The following ITGA1 variants were observed in gnomAD, a reference collection of about 807,000 sequenced individuals.
The protein encoded by ITGA1 is integrin alpha-1.
In ITGA1, 85 loss-of-function variants were observed where a neutral mutation model predicts 145.9. The observed-to-expected ratio is 0.58, with a 90% confidence interval of 0.49 to 0.70. The LOEUF is 0.70. Ranked by LOEUF, ITGA1 falls within the 30% of genes least tolerant of loss-of-function variation. The pLI, the probability that ITGA1 is intolerant of heterozygous loss-of-function variation, is 0.00. For synonymous variants in ITGA1, 520 were observed against 495.3 expected (o/e 1.05, Z -0.66); for missense variants, 1,351 against 1,418.7 (o/e 0.95, Z 0.77).
rs1750033393 is a variant in ITGA1 at position 52,885,570 on chromosome 5, G to C, written c.774-2245G>C. Among the ~76,000 whole-genome samples, 3 of 152,156 alleles carry C rather than the reference G, an allele frequency of 2.0e-5. No homozygotes were observed. The South Asian group carries it at 6.2e-4, about 32-fold the overall frequency. On this transcript the variant is annotated intron_variant, in intron 7 of 28. Coordinates refer to ENST00000282588, the MANE Select transcript of ITGA1 (RefSeq NM_181501.2). ...GAGACCAAATATATATTTATTATTT[G>C]TTAAAGGAAAATTTTAGACAAATTA...
Position 52,788,181 on chromosome 5 carries a change from C to T in ITGA1, c.-173C>T. 1 of 482,582 alleles carries T rather than the reference C, an allele frequency of 2.1e-6. No homozygotes were observed. Among genetic ancestry groups the T allele is most frequent in the East Asian group, 3.6e-5 (1 of 27,962 alleles). The allele number at this position is 482,582 out of a possible 1,614,324, so 29.9% of individuals were successfully genotyped here. A position where few individuals can be genotyped will look rare whatever the true frequency, so the allele number is the denominator to read the frequency against. On this transcript the variant is annotated 5_prime_UTR_variant, in exon 1 of 29. Transcript: ENST00000282588. ...AGCGTGGAGCGCATTTAGAGGAATT[C>T]GACGAAAACACAGGAAATCACTCCT...
At chr5:52,933,479 T>C (rs1750921148) in intron 22 of ITGA1, 1 of 152,152 alleles carries the variant, frequency 6.6e-6, no homozygotes, top group Non-Finnish European at 1.5e-5. Flanking sequence ...GTAGAGAAGA[T>C]TGAACTTTTA....
intron 1 of ITGA1, among the ~76,000 whole-genome samples, chr5:52,826,502 T>G (rs528817423): frequency 6.6e-6 from 1 of 152,308 alleles, no homozygotes; most frequent in East Asian, 1.9e-4. Flanking sequence ...AACAACAGAT[T>G]TTTAGTGTAA....
At chr5:52,886,907 T>G (rs970630445) in intron 7 of ITGA1, among the ~76,000 whole-genome samples, 10 of 152,034 alleles carry the variant, frequency 6.6e-5, no homozygotes, top group African/African-American at 2.4e-4. Flanking sequence ...GCCTCCAGAG[T>G]AGCTGGGACT....
intron 1 of ITGA1, among the ~76,000 whole-genome samples, chr5:52,816,972 A>C (rs11740724): frequency 0.26 from 39,147 of 152,072 alleles, 5,381 homozygotes; most frequent in Non-Finnish European, 0.31. Context: ...CAGAATTGGC[A>C]CCCTAAAAGC....
At chr5:52,951,074 T>C (rs1444260967) in intron 28 of ITGA1, among the ~76,000 whole-genome samples, 1 of 152,198 alleles carries the variant, frequency 6.6e-6, no homozygotes, top group Non-Finnish European at 1.5e-5. Flanking sequence ...ATAGAAGACA[T>C]GAGCCCTGAA....
intron 6 of ITGA1, among the ~76,000 whole-genome samples, chr5:52,878,214 G>T (rs992105191): frequency 1.3e-5 from 2 of 152,166 alleles, no homozygotes; most frequent in African/African-American, 2.4e-5. Flanking sequence ...TAGCTCAAGT[G>T]CAGTCATCTG....
intron 13 of ITGA1, 93 bp from the exon 14 acceptor site, chr5:52,910,069 C>G (rs1459138285): frequency 8.4e-7 from 1 of 1,186,050 alleles, no homozygotes; most frequent in African/African-American, 1.5e-5. Flanking sequence ...GTACAAATGG[C>G]TGTTAATAGC....
At chr5:52,827,716 C>T (rs1561220205) in intron 1 of ITGA1, among the ~76,000 whole-genome samples, 2 of 152,318 alleles carry the variant, frequency 1.3e-5, no homozygotes, top group South Asian at 4.1e-4. Context: ...CAACCATCAC[C>T]ATTGAGGCAA....
chr5:52,938,685 G>C (rs1022850122), intron 24 of ITGA1, among the ~76,000 whole-genome samples: 2 of 152,148 alleles, frequency 1.3e-5, no homozygotes, highest in African/African-American at 4.8e-5. Context: ...ACTAGGTTAA[G>C]TCTAGAACCA....
chr5:52,873,642 C>T (rs1377931136), intron 6 of ITGA1, among the ~76,000 whole-genome samples: 2 of 152,184 alleles, frequency 1.3e-5, no homozygotes, highest in Non-Finnish European at 2.9e-5. Context: ...ATTATCACTA[C>T]ATTTATATCC....
chr5:52,794,181 A>G (rs1748294937), intron 1 of ITGA1, among the ~76,000 whole-genome samples: 1 of 151,994 alleles, frequency 6.6e-6, no homozygotes, highest in Admixed American at 6.6e-5. Context: ...GAGTGGATAC[A>G]CATACTCTTT....
At chr5:52,808,658 C>CTT (rs1300261901) in intron 1 of ITGA1, among the ~76,000 whole-genome samples, 1 of 54,720 alleles carries the variant, frequency 1.8e-5, no homozygotes, top group East Asian at 4.5e-4. Flanking sequence ...TTCTTTTTTT[C>CTT]TTTTTCTTTC....
chr5:52,941,246 G>A (rs761036968), intron 26 of ITGA1, among the ~76,000 whole-genome samples: 4 of 152,112 alleles, frequency 2.6e-5, no homozygotes, highest in South Asian at 2.1e-4. Context: ...AGATATGACC[G>A]CACGTGTCTT....
At chr5:52,939,990 A>C (rs1751029753) in intron 26 of ITGA1, 46 bp downstream of exon 26, 2 of 1,050,420 alleles carry the variant, frequency 1.9e-6, no homozygotes, top group Non-Finnish European at 1.5e-6. Flanking sequence ...AATATCAATA[A>C]ATATTCATTT....
chr5:52,790,011 CAT>C (rs1161377910), intron 1 of ITGA1, among the ~76,000 whole-genome samples: 1 of 152,204 alleles, frequency 6.6e-6, no homozygotes, highest in Admixed American at 6.5e-5. Context: ...TTTCGCAACA[CAT>C]GAGGGATCTG....
intron 1 of ITGA1, among the ~76,000 whole-genome samples, chr5:52,829,431 G>A (rs2454585): frequency 0.52 from 79,085 of 151,912 alleles, 20,993 homozygotes; most frequent in African/African-American, 0.62. Flanking sequence ...GAAAAATGTG[G>A]TAGTCTAGGT....
Position 52,926,844 on chromosome 5 carries a change from G to A in ITGA1, c.2614-740G>A, listed in dbSNP as rs1255416994. 2.6e-5 allele frequency among the ~76,000 whole-genome samples: 4 copies of A among 152,088 alleles called. No homozygotes were observed. The East Asian group carries it at 7.7e-4, about 29-fold the overall frequency. ...TTTCTTGAGTCACATCATGGTTTAGGCCCTGTACTAAGGATTTCACTTATT... is the reference window on the plus strand; with the variant it reads ...TTTCTTGAGTCACATCATGGTTTAGACCCTGTACTAAGGATTTCACTTATT... On this transcript the variant is annotated intron_variant, in intron 19 of 28. Transcript: ENST00000282588.
At chr5:52,852,369 C>T (rs1225959305) in intron 2 of ITGA1, among the ~76,000 whole-genome samples, 1 of 152,056 alleles carries the variant, frequency 6.6e-6, no homozygotes, top group Non-Finnish European at 1.5e-5. Flanking sequence ...AATATATAGA[C>T]TCAAGAACTA....
Sources: allele counts gnomAD v4.1 joint callset (sites outside exome capture counted in the v4.1 genomes callset), GRCh38; gene constraint gnomAD v4.1.1; transcripts MANE v1.5; gene names NCBI Gene and HGNC (gene_info 2026-07-23, HGNC 2026-07-21).